The following RICTOR variants were observed in gnomAD, a reference collection of about 807,000 sequenced individuals.
RICTOR encodes rapamycin-insensitive companion of mTOR.
A neutral mutation model predicts 214.9 loss-of-function variants in RICTOR; 49 were observed. The observed-to-expected ratio is 0.23, with a 90% CI of 0.18 to 0.29. The LOEUF is 0.29. Among genes scored for constraint, RICTOR ranks in the 10% least tolerant of loss-of-function variants. The pLI is 1.00. For missense variants in RICTOR, 1,625 were observed against 2,047.0 expected (o/e 0.79, Z 3.98); for synonymous variants, 717 against 711.3 (o/e 1.01, Z -0.13).
intron 7 of RICTOR, among the ~76,000 whole-genome samples, chr5:38,984,547 G>A (rs1434927855): frequency 6.6e-6 from 1 of 152,068 alleles, no homozygotes; most frequent in Non-Finnish European, 1.5e-5. Flanking sequence ...GCACAGTCAA[G>A]TTTTACTACA....
At chr5:39,039,371 A>T (rs1268608985) in intron 2 of RICTOR, among the ~76,000 whole-genome samples, 3 of 152,328 alleles carry the variant, frequency 2.0e-5, no homozygotes, top group African/African-American at 7.2e-5. Context: ...CCCTAGAAGA[A>T]AACCTAGGCA....
At chr5:39,037,230 C>G (rs1409543141) in intron 2 of RICTOR, among the ~76,000 whole-genome samples, 3 of 151,706 alleles carry the variant, frequency 2.0e-5, no homozygotes, top group South Asian at 2.1e-4. Flanking sequence ...GGGTACATAA[C>G]GAAATGAAGG....
chr5:38,965,668 A>G (rs1338291478), intron 15 of RICTOR, among the ~76,000 whole-genome samples: 1 of 152,034 alleles, frequency 6.6e-6, no homozygotes, highest in African/African-American at 2.4e-5. Context: ...TAATTCTTTC[A>G]CAGATGGGCC....
chr5:38,967,490 T>C lies in RICTOR; in HGVS notation c.1061-63A>G, dbSNP rs1579943171. 1.4e-5 allele frequency: 17 copies of C among 1,230,264 alleles called. No individual in the cohort carries two copies. The East Asian group carries it at 3.0e-4, about 22-fold the overall frequency. The allele number at this position is 1,230,264 out of a possible 1,614,324, so 76.2% of individuals were successfully genotyped here. On this transcript the variant is annotated intron_variant, in intron 12 of 37. Transcript: ENST00000357387. ...ATCACTGAAACATTTCAGATAAGTA[T>C]AAAACCATCAGCTAGCCAGGCTATA... is the stretch of plus-strand genomic sequence containing the variant.
At chr5:38,970,353 T>A (rs900562473) in intron 11 of RICTOR, 1 of 152,208 alleles carries the variant, frequency 6.6e-6, no homozygotes, top group African/African-American at 2.4e-5. Flanking sequence ...ATTAACCTAA[T>A]TGTGCAAAAA....
At chr5:39,035,663 G>A (rs924126150) in intron 2 of RICTOR, among the ~76,000 whole-genome samples, 1 of 151,988 alleles carries the variant, frequency 6.6e-6, no homozygotes, top group Non-Finnish European at 1.5e-5. Flanking sequence ...GCACGAGAAC[G>A]TGACGAAGGC....
intron 7 of RICTOR, among the ~76,000 whole-genome samples, chr5:38,990,559 T>TATATACGATATATACATG (rs1752543030): frequency 3.3e-5 from 4 of 119,460 alleles, no homozygotes; most frequent in South Asian, 5.2e-4. Flanking sequence ...ATATACACGA[T>TATATACGATATATACATG]ATATACACGA....
intron 3 of RICTOR, among the ~76,000 whole-genome samples, chr5:39,011,578 AG>A (rs1013031921): frequency 6.6e-6 from 1 of 152,106 alleles, no homozygotes; most frequent in Non-Finnish European, 1.5e-5. Flanking sequence ...AGCAGTCAGG[AG>A]GGGGTGCTGT....
At chr5:39,016,209 A>G (rs556802664) in intron 3 of RICTOR, among the ~76,000 whole-genome samples, 1 of 152,124 alleles carries the variant, frequency 6.6e-6, no homozygotes, top group Non-Finnish European at 1.5e-5. Flanking sequence ...TTTAAAAAGG[A>G]TATGGTAAAA....
intron 31 of RICTOR, chr5:38,949,322 A>G (rs538780241): frequency 7.5e-7 from 1 of 1,338,728 alleles, no homozygotes. Context: ...AAAATAATAA[A>G]GAGGTCAACT....
At chr5:38,994,598 A>G (rs758934913) in intron 6 of RICTOR, among the ~76,000 whole-genome samples, 2 of 152,146 alleles carry the variant, frequency 1.3e-5, no homozygotes, top group East Asian at 3.8e-4. Context: ...CGCTGATTCT[A>G]TATCCCACCA....
intron 3 of RICTOR, among the ~76,000 whole-genome samples, chr5:39,019,977 G>A (rs1270941520): frequency 6.6e-6 from 1 of 152,148 alleles, no homozygotes; most frequent in African/African-American, 2.4e-5. Context: ...AATACTCATG[G>A]ATGACTTTGA....
chr5:39,008,733 T>A (rs1675499099), intron 3 of RICTOR, among the ~76,000 whole-genome samples: 1 of 151,630 alleles, frequency 6.6e-6, no homozygotes, highest in Non-Finnish European at 1.5e-5. Context: ...AAAAAAAAAC[T>A]GCCCATTTCA....
chr5:38,953,139 A>C, intron 28 of RICTOR, 48 bp from the exon 29 acceptor site: 2 of 1,323,084 alleles, frequency 1.5e-6, no homozygotes, highest in Non-Finnish European at 2.1e-6. Context: ...TCACTCTTTC[A>C]AAAGATTTGG....
chr5:38,959,525 T>A (rs998363025), intron 21 of RICTOR, among the ~76,000 whole-genome samples: 4 of 152,198 alleles, frequency 2.6e-5, no homozygotes, highest in African/African-American at 9.6e-5. Context: ...ACATAGTTAC[T>A]ATTTTGAATG....
chr5:38,959,581 A>T (rs577335763), intron 21 of RICTOR, among the ~76,000 whole-genome samples, 198 bp downstream of exon 21: 62 of 152,272 alleles, frequency 4.1e-4, no homozygotes, highest in South Asian at 1.9e-3. Context: ...TATTTTTAAA[A>T]TTCCTAATAT....
chr5:39,011,252 G>A (rs1413930631), intron 3 of RICTOR, among the ~76,000 whole-genome samples: 1 of 152,212 alleles, frequency 6.6e-6, no homozygotes, highest in African/African-American at 2.4e-5. Flanking sequence ...TACACATGGT[G>A]TTGGGCCTGT....
Position 38,942,164 on chromosome 5 carries a change from C to T in RICTOR, c.*140G>A, listed in dbSNP as rs1202568903. ...AGGAAAGTCAGCAGTTCCAACTGTT[C>T]ATGTACCAGTAACTGCGGAACAGTG... is the stretch of plus-strand genomic sequence containing the variant. On this transcript the variant is annotated 3_prime_UTR_variant, in exon 38 of 38. Transcript: ENST00000357387. 4.3e-6 allele frequency: 2 copies of T among 466,294 alleles called. No homozygotes were observed. The highest frequency in any genetic ancestry group is 7.8e-6 in the Non-Finnish European group (2 of 255,274). 28.9% of individuals were successfully genotyped at this position (466,294 alleles called of 1,614,324 possible).
At chr5:38,944,654 C>T (rs1747973888) in intron 35 of RICTOR, 85 bp from the exon 36 acceptor site, 3 of 1,195,370 alleles carry the variant, frequency 2.5e-6, no homozygotes, top group Non-Finnish European at 3.5e-6. Context: ...TTAAACTTCA[C>T]CTAAAGACCT....
Sources: allele counts gnomAD v4.1 joint callset (sites outside exome capture counted in the v4.1 genomes callset), GRCh38; gene constraint gnomAD v4.1.1; transcripts MANE v1.5; gene names NCBI Gene and HGNC (gene_info 2026-07-23, HGNC 2026-07-21).